Variants in RNF150 observed in about 807,000 individuals in gnomAD.
RNF150 encodes the protein ring finger protein 150.
In RNF150, 24 loss-of-function variants were observed where a neutral mutation model predicts 39.3. That is an observed-to-expected ratio of 0.61 (90% CI 0.44 to 0.86). RNF150 has a LOEUF of 0.86. RNF150 is among the 40% of genes least tolerant of loss of function. The pLI is 0.00. For synonymous variants in RNF150, 255 were observed against 227.3 expected (o/e 1.12, Z -1.10); for missense variants, 502 against 587.8 (o/e 0.85, Z 1.51).
chr4:141,100,541 T>C (rs2111034622), intron 1 of RNF150, among the ~76,000 whole-genome samples: 1 of 152,342 alleles, frequency 6.6e-6, no homozygotes, highest in Middle Eastern at 3.4e-3. Flanking sequence ...GCAAAGTCAA[T>C]GCAGGAACGG....
chr4:141,132,713 G>C lies in RNF150; in HGVS notation c.96C>G (p.Thr32=), dbSNP rs773058894. The C allele has an allele frequency of 6.2e-7, 1 of 1,609,886 alleles. No individual in the cohort carries two copies. Among genetic ancestry groups the C allele is most frequent in the South Asian group, 1.1e-5 (1 of 90,968 alleles). ...CFVHLLCLDF[T]VAEKEEWYTA... is the part of the protein sequence containing the mutation. ...TGTACCATTCCTCCTTCTCGGCCAC[G>C]GTAAAGTCCAGGCAGAGCAGATGCA... Residue 32 remains threonine (T), a synonymous_variant, in exon 1 of 7, where the codon ACC becomes ACG. Coordinates refer to ENST00000515673, the MANE Select transcript of RNF150 (RefSeq NM_020724.2). This position sits in a 1 kb window ranked among gnomAD's most constrained non-coding sequence, Gnocchi z 4.9.
At chr4:141,144,121 G>GA (rs34587274) in intron 1 of RNF150, among the ~76,000 whole-genome samples, 2,080 of 135,072 alleles carry the variant, frequency 0.015, 53 homozygotes, top group African/African-American at 0.054. Flanking sequence ...GTTGCTGGGG[G>GA]AAAAAAAACC....
rs1182587193 is a variant in RNF150, at chr4:141,132,311, G to C, written c.484+14C>G. On this transcript the variant is annotated intron_variant, in intron 1 of 6. Transcript: ENST00000515673. This position sits in a 1 kb window ranked among gnomAD's most constrained non-coding sequence, Gnocchi z 4.9. ...CCGCCGGCTCCCCTCCCCCGCGCCC[G>C]CTGGGCCACTCACCCGCGTGGGGCA... The C allele has an allele frequency of 2.8e-5, 43 of 1,555,796 alleles. No individual in the cohort carries two copies. Among genetic ancestry groups the C allele is most frequent in the Non-Finnish European group, 3.7e-5 (43 of 1,149,176 alleles).
At chr4:140,870,456 ATGTGTGTGTGTGTG>A in intron 6 of RNF150, among the ~76,000 whole-genome samples, 1 of 147,812 alleles carries the variant, frequency 6.8e-6, no homozygotes, top group East Asian at 2.0e-4. Flanking sequence ...TTGTGCGTGT[ATGTGTGTGTGTGTG>A]TGTGTGTGTG....
At chr4:140,908,001 A>AGGAG (rs1435719550) in intron 6 of RNF150, among the ~76,000 whole-genome samples, 2 of 152,266 alleles carry the variant, frequency 1.3e-5, no homozygotes, top group African/African-American at 4.8e-5. Flanking sequence ...TGGAGATGTG[A>AGGAG]GGAGGGGAAA....
intron 1 of RNF150, among the ~76,000 whole-genome samples, chr4:141,127,541 C>A (rs1036791260): frequency 1.4e-4 from 22 of 152,184 alleles, no homozygotes; most frequent in African/African-American, 5.3e-4. Context: ...TAGCATGAAT[C>A]CATACATTGA....
chr4:141,172,330 T>A (rs771533551), intron 1 of RNF150, among the ~76,000 whole-genome samples: 11 of 152,112 alleles, frequency 7.2e-5, no homozygotes, highest in Non-Finnish European at 1.5e-4. Flanking sequence ...TCTCTACATG[T>A]CATTAGCCAA....
intron 1 of RNF150, among the ~76,000 whole-genome samples, chr4:141,095,190 A>G: frequency 6.6e-6 from 1 of 152,216 alleles, no homozygotes; most frequent in East Asian, 1.9e-4. Context: ...ATTTTAAGAA[A>G]TTGTTGGAGG....
chr4:141,069,876 A>G (rs1179583459), intron 1 of RNF150, among the ~76,000 whole-genome samples: 1 of 152,100 alleles, frequency 6.6e-6, no homozygotes, highest in African/African-American at 2.4e-5. Flanking sequence ...CTCTGATGGT[A>G]GTTTGTATTT....
At chr4:140,907,117 T>A (rs542878038) in intron 6 of RNF150, among the ~76,000 whole-genome samples, 1 of 152,220 alleles carries the variant, frequency 6.6e-6, no homozygotes, top group African/African-American at 2.4e-5. Context: ...AAGGAACTTT[T>A]TTCCCCTGTG....
intron 2 of RNF150, among the ~76,000 whole-genome samples, chr4:140,962,967 TTG>T (rs1733099163): frequency 6.6e-6 from 1 of 151,976 alleles, no homozygotes; most frequent in Admixed American, 6.6e-5. Context: ...ATGGATATGT[TTG>T]TGTCTTCTGC....
intron 1 of RNF150, among the ~76,000 whole-genome samples, chr4:141,199,963 T>C (rs1578793929): frequency 6.6e-6 from 1 of 152,310 alleles, no homozygotes; most frequent in East Asian, 1.9e-4. Flanking sequence ...GTTATACATA[T>C]ATATGTGCAT....
At chr4:140,957,421 G>A (rs1391249795) in intron 2 of RNF150, among the ~76,000 whole-genome samples, 1 of 152,108 alleles carries the variant, frequency 6.6e-6, no homozygotes, top group Non-Finnish European at 1.5e-5. Flanking sequence ...GAGAGGATGT[G>A]GAGAAATAGG....
intron 1 of RNF150, among the ~76,000 whole-genome samples, chr4:141,140,927 G>A (rs1727108652): frequency 6.6e-6 from 1 of 152,228 alleles, no homozygotes; most frequent in South Asian, 2.1e-4. Flanking sequence ...AGGTGTCAGA[G>A]TTTTAATCCC....
chr4:141,100,567 T>C (rs1197958979), intron 1 of RNF150, among the ~76,000 whole-genome samples: 1 of 152,196 alleles, frequency 6.6e-6, no homozygotes, highest in Non-Finnish European at 1.5e-5. Flanking sequence ...TTGCATCCTT[T>C]CCATTTTTAA....
At chr4:140,993,162 A>T (rs912467405) in intron 1 of RNF150, among the ~76,000 whole-genome samples, 1 of 152,178 alleles carries the variant, frequency 6.6e-6, no homozygotes, top group Non-Finnish European at 1.5e-5. Flanking sequence ...GAAACATGAA[A>T]TAGATTTGCT....
intron 6 of RNF150, among the ~76,000 whole-genome samples, chr4:140,887,880 G>A (rs1249601963): frequency 1.3e-5 from 2 of 152,190 alleles, no homozygotes; most frequent in Admixed American, 1.3e-4. Flanking sequence ...TCCTCAGGAA[G>A]AGCATAAACA....
At chr4:140,933,244 C>T (rs1731719536) in intron 4 of RNF150, among the ~76,000 whole-genome samples, 2 of 152,114 alleles carry the variant, frequency 1.3e-5, no homozygotes, top group Admixed American at 6.5e-5. Context: ...ACGGTAAGGC[C>T]TTTTGTACAG....
At chr4:140,904,364 A>T (rs1033056215) in intron 6 of RNF150, among the ~76,000 whole-genome samples, 4 of 152,248 alleles carry the variant, frequency 2.6e-5, no homozygotes, top group Non-Finnish European at 5.9e-5. Context: ...CTTGCCTGCC[A>T]CAATGGAATG....
Sources: allele counts gnomAD v4.1 joint callset (sites outside exome capture counted in the v4.1 genomes callset), GRCh38; gene constraint gnomAD v4.1.1; non-coding constraint Gnocchi (gnomAD v3.1); transcripts MANE v1.5; gene names NCBI Gene and HGNC (gene_info 2026-07-23, HGNC 2026-07-21).